The following APOOL variants were observed in gnomAD, a reference collection of about 807,000 sequenced individuals.
The protein encoded by APOOL is apolipoprotein O like, also known as MICOS complex subunit MIC27.
Under a neutral mutation model 23.1 loss-of-function variants are expected in APOOL, and 12 were observed. The observed-to-expected ratio is 0.52, with a 90% confidence interval of 0.33 to 0.84. APOOL has a LOEUF of 0.84. Among genes scored for constraint, APOOL ranks in the 40% least tolerant of loss-of-function variants. The pLI is 0.02. For missense variants in APOOL, 212 were observed against 199.6 expected, an observed-to-expected ratio of 1.06 and a Z score of -0.37; for synonymous variants, 77 against 69.9, an observed-to-expected ratio of 1.10 and a Z score of -0.51.
At chrX:85,066,525 C>T (rs1033213963) in intron 5 of APOOL, among the ~76,000 whole-genome samples, 7 of 111,064 alleles carry the variant, frequency 6.3e-5, no homozygotes, top group Admixed American at 2.9e-4. Context: ...AAAAAAGATA[C>T]GAAAATAACT....
chrX:85,061,049 C>T (rs900180193), intron 5 of APOOL, among the ~76,000 whole-genome samples: 1 of 111,192 alleles, frequency 9.0e-6, no homozygotes, highest in Non-Finnish European at 1.9e-5. Context: ...TTTTGAGATA[C>T]GTCCCATCAA....
In APOOL at chrX:85,088,684, A is replaced by G. The variant is rs1172106388; in HGVS notation, c.*1006A>G. The G allele has an allele frequency of 9.0e-6, 1 of 110,538 alleles. No individual in the cohort carries two copies. The highest frequency in any genetic ancestry group is 9.8e-5 in the Admixed American group (1 of 10,251). 9.1% of individuals were successfully genotyped at this position (110,538 alleles called of 1,213,427 possible). On this transcript the variant is annotated 3_prime_UTR_variant, in exon 9 of 9. Coordinates refer to ENST00000373173, the MANE Select transcript of APOOL (RefSeq NM_198450.6). ...CCAAAACTTCTTCCCATCTACCTTCAAGACTTACCTCTTTTCAGCCATGCA... is the reference window on the plus strand; with the variant it reads ...CCAAAACTTCTTCCCATCTACCTTCGAGACTTACCTCTTTTCAGCCATGCA...
chrX:85,022,920 A>G (rs1921720516), intron 1 of APOOL, among the ~76,000 whole-genome samples: 2 of 111,563 alleles, frequency 1.8e-5, no homozygotes, highest in Non-Finnish European at 3.8e-5. Context: ...TCCCCCATGA[A>G]TGGTTTGGTG....
At position 85,087,774 on chromosome X, in the gene APOOL, A is replaced by G; in HGVS notation, c.*96A>G. 1 of 752,941 alleles carries G rather than the reference A, an allele frequency of 1.3e-6. No homozygotes were observed. Among genetic ancestry groups the G allele is most frequent in the Non-Finnish European group, 1.9e-6 (1 of 532,694 alleles). The allele number at this position is 752,941 out of a possible 1,213,427, so 62.1% of individuals were successfully genotyped here. On this transcript the variant is annotated 3_prime_UTR_variant, in exon 9 of 9. Transcript: ENST00000373173. ...ATCATGTAATGGGTAACTGATACAT[A>G]GAGTATTACCTAAACCAAGTTTCTC... is the stretch of plus-strand genomic sequence containing the variant.
chrX:85,006,469 C>T (rs950558399), intron 1 of APOOL, among the ~76,000 whole-genome samples: 46 of 108,923 alleles, frequency 4.2e-4, no homozygotes, highest in African/African-American at 1.5e-3. Flanking sequence ...AGGAGTTATA[C>T]ATTACTCTTT....
At chrX:85,053,638 T>C (rs905251286) in intron 3 of APOOL, among the ~76,000 whole-genome samples, 5 of 111,445 alleles carry the variant, frequency 4.5e-5, no homozygotes, top group Non-Finnish European at 9.5e-5. Flanking sequence ...CTTTTTTTTC[T>C]TATCTAAGTG....
At chrX:85,069,635 A>AG (rs1392783302) in intron 6 of APOOL, among the ~76,000 whole-genome samples, 3 of 108,301 alleles carry the variant, frequency 2.8e-5, no homozygotes, top group Non-Finnish European at 5.7e-5. Context: ...AAAAAAAAAA[A>AG]AATCTTTCCT....
At chrX:85,058,770 T>C (rs1923071936) in intron 5 of APOOL, among the ~76,000 whole-genome samples, 1 of 111,884 alleles carries the variant, frequency 8.9e-6, no homozygotes, top group African/African-American at 3.2e-5. Flanking sequence ...CCGTTCTGAC[T>C]GGTGTGAGAG....
intron 1 of APOOL, among the ~76,000 whole-genome samples, chrX:85,004,160 A>C (rs1195351005): frequency 9.0e-6 from 1 of 111,686 alleles, no homozygotes; most frequent in Non-Finnish European, 1.9e-5. Context: ...GTCGATTTAC[A>C]CAGTGGCACA....
intron 1 of APOOL, among the ~76,000 whole-genome samples, chrX:85,037,773 G>A (rs754512242): frequency 4.2e-4 from 47 of 110,865 alleles, no homozygotes; most frequent in Admixed American, 1.2e-3. Context: ...CTGGTAAGCC[G>A]CACATAGAAG....
Position 85,017,177 on chromosome X carries a change from A to C in APOOL, c.15+13250A>C, listed in dbSNP as rs147056291. ...TAGACTCTTCTTGCACGGGGCTTGC[A>C]TAGGCCTGTGTGGGGGTTGAGGGAG... On this transcript the variant is annotated intron_variant, in intron 1 of 8. Transcript: ENST00000373173. Among the ~76,000 whole-genome samples, 487 of 111,800 alleles carry C rather than the reference A, an allele frequency of 4.4e-3. 3 individuals are homozygous for C. The highest frequency in any genetic ancestry group is 0.015 in the African/African-American group (465 of 30,696).
intron 6 of APOOL, among the ~76,000 whole-genome samples, chrX:85,071,738 T>G (rs1183131569): frequency 8.9e-6 from 1 of 111,926 alleles, no homozygotes; most frequent in African/African-American, 3.2e-5. Context: ...AGTTAATGGA[T>G]ACATGAAAAA....
intron 4 of APOOL, among the ~76,000 whole-genome samples, chrX:85,055,008 T>G (rs759470008): frequency 8.9e-6 from 1 of 111,996 alleles, no homozygotes; most frequent in East Asian, 2.8e-4. Context: ...GCAACAGATA[T>G]AGCTTTGTAA....
At chrX:85,054,489 A>G in intron 4 of APOOL, 91 bp downstream of exon 4, 1 of 776,859 alleles carries the variant, frequency 1.3e-6, no homozygotes, top group Non-Finnish European at 1.8e-6. Context: ...GTTACCCATT[A>G]TCATGCATTT....
rs1236640429 is a variant in APOOL, at chrX:85,063,398, A to G, written c.395-3729A>G. Among the ~76,000 whole-genome samples, 7 of 111,126 alleles carry G rather than the reference A, an allele frequency of 6.3e-5. No individual in the cohort carries two copies. In the East Asian group the frequency reaches 8.5e-4, roughly 13 times the overall value. ...TGCCCTGGCAAGAACTTCCAATACT[A>G]TGTTTAATAAGAGTGGTGAGAGAGG... On this transcript the variant is annotated intron_variant, in intron 5 of 8. Transcript: ENST00000373173.
At chrX:85,017,488 G>A (rs2147475045) in intron 1 of APOOL, among the ~76,000 whole-genome samples, 1 of 111,771 alleles carries the variant, frequency 8.9e-6, no homozygotes, top group East Asian at 2.8e-4. Context: ...CAGTGTCAGT[G>A]ATTCCTATGC....
chrX:85,048,551 G>A (rs1236668906), intron 2 of APOOL, among the ~76,000 whole-genome samples: 1 of 111,944 alleles, frequency 8.9e-6, no homozygotes, highest in Non-Finnish European at 1.9e-5. Context: ...TATGTGCTAG[G>A]AACTATACAC....
intron 1 of APOOL, among the ~76,000 whole-genome samples, chrX:85,010,450 T>A (rs1391018269): frequency 2.7e-5 from 3 of 111,594 alleles, no homozygotes; most frequent in African/African-American, 9.8e-5. Flanking sequence ...GGTGCACCTG[T>A]CACCTGAGCA....
intron 5 of APOOL, among the ~76,000 whole-genome samples, chrX:85,065,760 G>A (rs757001565): frequency 1.8e-5 from 2 of 110,843 alleles, no homozygotes; most frequent in Non-Finnish European, 3.8e-5. Flanking sequence ...GCACAATTAG[G>A]GGAATTTGGT....
Sources: gnomAD v4.1 joint callset for allele counts (sites outside exome capture counted in the v4.1 genomes callset) on GRCh38, gnomAD v4.1.1 for gene constraint, MANE v1.5 for transcripts, NCBI Gene and HGNC (gene_info 2026-07-23, HGNC 2026-07-21) for gene names.